CSDE1: variants seen among roughly 807,000 people sequenced by gnomAD.
The protein encoded by CSDE1 is cold shock domain-containing protein E1.
In CSDE1, 17 loss-of-function variants were observed where a neutral mutation model predicts 89.3. That is an observed-to-expected ratio of 0.19 (90% CI 0.13 to 0.29). CSDE1 has a LOEUF of 0.29. Ranked by LOEUF, CSDE1 falls within the 10% of genes least tolerant of loss-of-function variation. The probability of loss-of-function intolerance (pLI) is 1.00; values close to 1 mark genes in which losing one functional copy is unlikely to be tolerated. For synonymous variants in CSDE1, 322 were observed against 332.8 expected (o/e 0.97, Z 0.35); for missense variants, 672 against 984.2 (o/e 0.68, Z 4.24).
chr1:114,757,699 G>A (rs1558013489), intron 1 of CSDE1, among the ~76,000 whole-genome samples: 2 of 151,952 alleles, frequency 1.3e-5, no homozygotes, highest in South Asian at 2.1e-4. Flanking sequence ...GCAGCCGGCT[G>A]GCCTCAACTC....
At chr1:114,739,971 A>C in intron 2 of CSDE1, 81 bp from the exon 3 acceptor site, 1 of 1,215,770 alleles carries the variant, frequency 8.2e-7, no homozygotes, top group Non-Finnish European at 1.2e-6. Context: ...AAGTCACTAA[A>C]TCTTCCATAT....
At chr1:114,723,436 G>A (rs1357621346) in intron 16 of CSDE1, among the ~76,000 whole-genome samples, 1 of 152,136 alleles carries the variant, frequency 6.6e-6, no homozygotes, top group African/African-American at 2.4e-5. Flanking sequence ...GATCCTCATA[G>A]AACTCTAGCT....
chr1:114,756,203 T>C (rs534666654), intron 1 of CSDE1, among the ~76,000 whole-genome samples: 1 of 152,362 alleles, frequency 6.6e-6, no homozygotes, highest in African/African-American at 2.4e-5. Flanking sequence ...ACCTATCTTC[T>C]GTGCCTCAAA....
At chr1:114,723,804 G>C in intron 16 of CSDE1, 79 bp downstream of exon 16, 1 of 1,586,974 alleles carries the variant, frequency 6.3e-7, no homozygotes, top group Non-Finnish European at 8.6e-7. Context: ...ACTGCAATAA[G>C]CACCATATTT....
chr1:114,732,819 G>A lies in CSDE1; in HGVS notation c.838-3C>T. ...ATGCGTCCTGGCAATGGGTCATTCT[G>A]ATGAGAAGGAAAAACGATTTTAGCT... On this transcript the variant is annotated splice_polypyrimidine_tract_variant and splice_region_variant and intron_variant, in intron 9 of 19. Coordinates refer to ENST00000358528, the MANE Select transcript of CSDE1 (RefSeq NM_001007553.3). The A allele has an allele frequency of 1.2e-6, 2 of 1,612,752 alleles. No homozygotes were observed. Among genetic ancestry groups the A allele is most frequent in the Non-Finnish European group, 1.7e-6 (2 of 1,178,938 alleles).
intron 10 of CSDE1, among the ~76,000 whole-genome samples, chr1:114,731,827 A>AT (rs930727619): frequency 2.0e-5 from 3 of 152,050 alleles, no homozygotes; most frequent in East Asian, 1.9e-4. Flanking sequence ...TTTTGCAATT[A>AT]TTTTTTTGAG....
At chr1:114,744,180 T>TA (rs1660886897) in intron 2 of CSDE1, among the ~76,000 whole-genome samples, 1 of 152,202 alleles carries the variant, frequency 6.6e-6, no homozygotes, top group Non-Finnish European at 1.5e-5. Flanking sequence ...AGGTAAATGT[T>TA]ACTTGACTTC....
intron 2 of CSDE1, among the ~76,000 whole-genome samples, chr1:114,744,158 G>T (rs1660885380): frequency 6.6e-6 from 1 of 152,202 alleles, no homozygotes; most frequent in African/African-American, 2.4e-5. Flanking sequence ...GTGGTGGTAG[G>T]AAGGACCCAG....
intron 16 of CSDE1, among the ~76,000 whole-genome samples, chr1:114,722,239 A>G (rs945341369): frequency 6.6e-6 from 1 of 152,214 alleles, no homozygotes; most frequent in Non-Finnish European, 1.5e-5. Flanking sequence ...AGATAATCCA[A>G]AGAGATCAAG....
Position 114,739,856 on chromosome 1 carries a change from C to G in CSDE1, c.35G>C (p.Gly12Ala). 9 of 1,613,980 alleles carry G rather than the reference C, an allele frequency of 5.6e-6. No homozygotes were observed. The highest frequency in any genetic ancestry group is 7.6e-6 in the Non-Finnish European group (9 of 1,179,952). Residue 12 changes from glycine to alanine, a missense_variant, in exon 3 of 20, where the codon GGA (glycine) becomes GCA (alanine). Physicochemically the swap from Gly to Ala is moderately conservative, Grantham distance 60. Transcript: ENST00000358528. The stretch of plus-strand genomic sequence containing the variant: ...AGTACCATTAGGGTACCCATTATGT[C>G]CATTGTTGTGGAGAAGGTTTGGATC... ...SFDPNLLHNN[G>A]HNGYPNGTSA...
intron 14 of CSDE1, among the ~76,000 whole-genome samples, chr1:114,725,987 C>T (rs1557992249): frequency 6.6e-6 from 1 of 152,146 alleles, no homozygotes; most frequent in African/African-American, 2.4e-5. Flanking sequence ...CTCTATGGTA[C>T]CAACACAAAA....
At chr1:114,744,307 C>A (rs371928848) in intron 2 of CSDE1, among the ~76,000 whole-genome samples, 2 of 152,126 alleles carry the variant, frequency 1.3e-5, no homozygotes, top group Admixed American at 1.3e-4. Context: ...ACCAGCCAGG[C>A]TCAGTGGTTC....
At chr1:114,720,927 T>A (rs866520150) in intron 16 of CSDE1, among the ~76,000 whole-genome samples, 1 of 152,228 alleles carries the variant, frequency 6.6e-6, no homozygotes, top group Non-Finnish European at 1.5e-5. Context: ...ACAGCTCCCA[T>A]CAGTACTTTA....
intron 9 of CSDE1, among the ~76,000 whole-genome samples, 161 bp downstream of exon 9, chr1:114,733,571 A>C (rs1275494311): frequency 2.0e-5 from 3 of 152,004 alleles, no homozygotes; most frequent in Middle Eastern, 6.3e-3. Context: ...TGAATATATA[A>C]ATCTGGTTTC....
chr1:114,723,604 G>C (rs945659944), intron 16 of CSDE1, among the ~76,000 whole-genome samples: 1 of 149,442 alleles, frequency 6.7e-6, no homozygotes, highest in African/African-American at 2.4e-5. Flanking sequence ...AAAAGCTTTG[G>C]TTATCAGAGT....
intron 12 of CSDE1, among the ~76,000 whole-genome samples, chr1:114,729,273 G>C (rs1347647228): frequency 6.6e-6 from 1 of 151,730 alleles, no homozygotes; most frequent in Non-Finnish European, 1.5e-5. Context: ...TAATTTTTTT[G>C]TATTTTTAGT....
At chr1:114,732,906 T>A (rs1326477856) in intron 9 of CSDE1, 90 bp from the exon 10 acceptor site, 1 of 1,124,756 alleles carries the variant, frequency 8.9e-7, no homozygotes, top group Non-Finnish European at 1.3e-6. Context: ...AAACCCATGT[T>A]ATTTTTAACT....
At chr1:114,757,238 G>C (rs1010932424) in intron 1 of CSDE1, among the ~76,000 whole-genome samples, 1 of 152,198 alleles carries the variant, frequency 6.6e-6, no homozygotes, top group Non-Finnish European at 1.5e-5. Context: ...CTGGAGTAAC[G>C]ATGTCAATTC....
rs201859431 is a variant in CSDE1 at position 114,718,596 on chromosome 1, C to G, written c.2349+17G>C. 1,219 of 1,610,902 alleles carry G rather than the reference C, an allele frequency of 7.6e-4. 2 individuals carry two copies. Among genetic ancestry groups the G allele is most frequent in the Non-Finnish European group, 9.8e-4 (1,152 of 1,178,724 alleles). ...GTCTATCAGTTGGCCTCCCCCAAGC[C>G]TTGTATGCCCTCATACCATTGAGTT... On this transcript the variant is annotated intron_variant, in intron 19 of 19. Transcript: ENST00000358528.
Sources: allele counts gnomAD v4.1 joint callset (sites outside exome capture counted in the v4.1 genomes callset), GRCh38; gene constraint gnomAD v4.1.1; transcripts MANE v1.5; gene names NCBI Gene and HGNC (gene_info 2026-07-23, HGNC 2026-07-21).